Variants in RTF1 observed in about 807,000 individuals in gnomAD.
The protein encoded by RTF1 is RNA polymerase-associated protein RTF1 homolog.
A neutral mutation model predicts 95.7 loss-of-function variants in RTF1; 10 were observed. The observed-to-expected ratio is 0.10, with a 90% confidence interval of 0.06 to 0.18. The LOEUF (loss-of-function observed/expected upper bound fraction) is 0.18. Ranked by LOEUF, RTF1 falls within the 10% of genes least tolerant of loss-of-function variation. The pLI is 1.00. For missense variants in RTF1, 458 were observed against 875.6 expected (o/e 0.52, Z 6.02); for synonymous variants, 305 against 311.8 (o/e 0.98, Z 0.23).
intron 14 of RTF1, 107 bp from the exon 15 acceptor site, chr15:41,478,441 C>CT (rs113160783): frequency 0.043 from 25,125 of 589,682 alleles, 162 homozygotes; most frequent in Middle Eastern, 0.094. Flanking sequence ...AGGATAATAG[C>CT]TTTTTTTTTT....
At chr15:41,438,540 C>A in intron 2 of RTF1, 109 bp downstream of exon 2, 2 of 640,754 alleles carry the variant, frequency 3.1e-6, no homozygotes, top group East Asian at 3.0e-5. Context: ...AGCCTAAGAT[C>A]TACAAGAATT....
chr15:41,453,129 G>A lies in RTF1; in HGVS notation c.457+81G>A, dbSNP rs544240223. The stretch of plus-strand genomic sequence containing the variant: ...GTGCAAAGGCAGAAGTGGGGAGGAA[G>A]GGGGGTACTTGCATTCAGCATGACC... On this transcript the variant is annotated intron_variant, in intron 3 of 17. Coordinates refer to ENST00000389629, the MANE Select transcript of RTF1 (RefSeq NM_015138.5). 1.1e-5 allele frequency: 14 copies of A among 1,232,534 alleles called. No homozygotes were observed. The South Asian group carries it at 1.7e-4, about 15-fold the overall frequency. 76.3% of individuals were successfully genotyped at this position (1,232,534 alleles called of 1,614,324 possible).
intron 4 of RTF1, among the ~76,000 whole-genome samples, chr15:41,460,912 T>C (rs1350400268): frequency 2.0e-5 from 3 of 150,824 alleles, no homozygotes; most frequent in Non-Finnish European, 3.0e-5. Flanking sequence ...AGTCTCACTC[T>C]GTTGCCCAGG....
intron 2 of RTF1, among the ~76,000 whole-genome samples, chr15:41,450,614 A>G (rs181501014): frequency 1.8e-3 from 277 of 151,190 alleles, no homozygotes; most frequent in Admixed American, 7.1e-3. Flanking sequence ...ATCTTCCTTG[A>G]AATGATTAAA....
chr15:41,475,392 T>G, intron 9 of RTF1, 133 bp from the exon 10 acceptor site: 1 of 685,728 alleles, frequency 1.5e-6, no homozygotes, highest in Non-Finnish European at 2.5e-6. Flanking sequence ...CCTGGGATGA[T>G]TTTATAGGGT....
intron 4 of RTF1, 37 bp from the exon 5 acceptor site, chr15:41,464,734 T>G: frequency 6.7e-7 from 1 of 1,482,656 alleles, no homozygotes. Context: ...TTATATACAT[T>G]TCATTGCTAC....
At chr15:41,425,287 A>G (rs1417370690) in intron 1 of RTF1, among the ~76,000 whole-genome samples, 6 of 151,538 alleles carry the variant, frequency 4.0e-5, no homozygotes, top group Admixed American at 3.9e-4. Context: ...TTGTATTTTT[A>G]GTAGGCACGG....
chr15:41,420,873 C>CTTGTAACAGAGG (rs1224998613), intron 1 of RTF1, among the ~76,000 whole-genome samples: 3 of 152,152 alleles, frequency 2.0e-5, no homozygotes, highest in African/African-American at 7.2e-5. Context: ...GAGGTCTGGA[C>CTTGTAACAGAGG]TCTGCATTTG....
At chr15:41,430,374 T>C (rs1043644727) in intron 1 of RTF1, among the ~76,000 whole-genome samples, 56 of 151,898 alleles carry the variant, frequency 3.7e-4, no homozygotes, top group African/African-American at 1.4e-3. Context: ...TTTGTATTTT[T>C]AGTAGAGACA....
At chr15:41,447,782 C>T (rs970220654) in intron 2 of RTF1, among the ~76,000 whole-genome samples, 1 of 152,090 alleles carries the variant, frequency 6.6e-6, no homozygotes, top group South Asian at 2.1e-4. Context: ...CCGGTGGGTG[C>T]TCATTTTCTC....
At chr15:41,480,005 C>T (rs1443112397) in intron 16 of RTF1, among the ~76,000 whole-genome samples, 1 of 152,182 alleles carries the variant, frequency 6.6e-6, no homozygotes, top group Non-Finnish European at 1.5e-5. Flanking sequence ...ATACCACAGA[C>T]ACAAGCCTGC....
In RTF1 at chr15:41,466,388, C is replaced by T. The variant is rs1043067761; in HGVS notation, c.889+136C>T. 8.0e-6 allele frequency: 4 copies of T among 500,338 alleles called. No individual in the cohort carries two copies. The Admixed American group carries it at 1.2e-4, about 15-fold the overall frequency. 31.0% of individuals were successfully genotyped at this position (500,338 alleles called of 1,614,324 possible). On this transcript the variant is annotated intron_variant, in intron 6 of 17. Transcript: ENST00000389629. The stretch of plus-strand genomic sequence containing the variant: ...ATACCCAGAATAGTATAAACATCCA[C>T]AAACCCATCATCCAGCCACAGCAGT...
At chr15:41,472,836 G>A (rs2050920518) in intron 8 of RTF1, among the ~76,000 whole-genome samples, 1 of 151,956 alleles carries the variant, frequency 6.6e-6, no homozygotes, top group Admixed American at 6.6e-5. Context: ...CCAGTAGCTG[G>A]GACTACAGGC....
chr15:41,478,174 G>A (rs1324718374), intron 14 of RTF1, among the ~76,000 whole-genome samples: 1 of 152,182 alleles, frequency 6.6e-6, no homozygotes. Flanking sequence ...GCTGAGGTGG[G>A]TGGATCACCT....
At chr15:41,453,917 A>G (rs1245788309) in intron 3 of RTF1, among the ~76,000 whole-genome samples, 2 of 152,132 alleles carry the variant, frequency 1.3e-5, no homozygotes, top group South Asian at 2.1e-4. Context: ...GCACATGCCT[A>G]TGAATGTTAG....
chr15:41,480,710 G>T lies in RTF1; in HGVS notation c.*23G>T. The stretch of plus-strand genomic sequence containing the variant: ...TGAGCACACCCAGCCTGCTGCTTCT[G>T]ACCCTGCATGCCCCATCGCAGCGTC... On this transcript the variant is annotated 3_prime_UTR_variant, in exon 18 of 18. Transcript: ENST00000389629. The T allele has an allele frequency of 6.6e-7, 1 of 1,521,722 alleles. No homozygotes were observed. The highest frequency in any genetic ancestry group is 1.1e-5 in the South Asian group (1 of 89,164). The allele number at this position is 1,521,722 out of a possible 1,614,324, so 94.3% of individuals were successfully genotyped here.
chr15:41,428,243 C>T (rs1325679078), intron 1 of RTF1, among the ~76,000 whole-genome samples: 1 of 142,748 alleles, frequency 7.0e-6, no homozygotes, highest in African/African-American at 2.7e-5. Flanking sequence ...CCCTCTACTG[C>T]AATACTGATA....
chr15:41,430,174 ATTT>A (rs773433000), intron 1 of RTF1, among the ~76,000 whole-genome samples: 2 of 110,242 alleles, frequency 1.8e-5, no homozygotes, highest in Non-Finnish European at 1.9e-5. Context: ...TGTCTGGCTA[ATTT>A]TTTTTTTTTT....
intron 3 of RTF1, among the ~76,000 whole-genome samples, chr15:41,454,486 T>C (rs2050803352): frequency 6.6e-6 from 1 of 152,158 alleles, no homozygotes. Context: ...ATAAAGTTGA[T>C]TTACTCAAGA....
Sources: allele counts gnomAD v4.1 joint callset (sites outside exome capture counted in the v4.1 genomes callset), GRCh38; gene constraint gnomAD v4.1.1; transcripts MANE v1.5; gene names NCBI Gene and HGNC (gene_info 2026-07-23, HGNC 2026-07-21).